The following COG8 variants were observed in gnomAD, a reference collection of about 807,000 sequenced individuals.
COG8 encodes component of oligomeric golgi complex 8, also known as conserved oligomeric Golgi complex subunit 8.
In COG8, 45 loss-of-function variants were observed where a neutral mutation model predicts 46.5. That is an observed-to-expected ratio of 0.97 (90% confidence interval 0.76 to 1.24). COG8 has a LOEUF of 1.24. COG8 is among the 50% of genes most tolerant of loss of function. The pLI is 0.00. For missense variants in COG8, 793 were observed against 820.8 expected (o/e 0.97, Z 0.41); for synonymous variants, 407 against 347.8 (o/e 1.17, Z -1.90).
rs1235065436 is a variant in COG8, at chr16:69,330,449, C to T, written c.*26+364G>A. On this transcript the variant is annotated intron_variant, in intron 5 of 5. Transcript: ENST00000306875. ...CCAATAGGAGCGCCGCAGCGCCGGG[C>T]CCTCGACGCCGTCCGGGGCGGCCGT... 1.4e-5 allele frequency: 20 copies of T among 1,472,554 alleles called. No homozygotes were observed. Among genetic ancestry groups the T allele is most frequent in the Non-Finnish European group, 1.5e-5 (17 of 1,120,334 alleles). 91.2% of individuals were successfully genotyped at this position (1,472,554 alleles called of 1,614,324 possible). A position where few individuals can be genotyped will look rare whatever the true frequency, so the allele number is the denominator to read the frequency against.
At chr16:69,329,778 C>G (rs928865364) in intron 5 of COG8, among the ~76,000 whole-genome samples, 2 of 152,236 alleles carry the variant, frequency 1.3e-5, no homozygotes, top group Non-Finnish European at 2.9e-5. Context: ...TGTCAGGTAA[C>G]AGCGGAACTA....
intron 1 of COG8, 138 bp from the exon 2 acceptor site, chr16:69,336,850 A>T (rs2012236151): frequency 1.3e-6 from 1 of 784,190 alleles, no homozygotes; most frequent in Admixed American, 2.2e-5. Context: ...TAAGGTAAGT[A>T]TTATTACAAT....
rs750568204 is a variant in COG8 at position 69,334,899 on chromosome 16, CAG to C, written c.1033_1034del (p.Leu345AlafsTer17). On this transcript the variant is annotated frameshift_variant, in exon 3 of 6. Transcript: ENST00000306875. LOFTEE classifies it high-confidence loss of function. ...YRGIGGHLDS[L>X]LGQCMYFGLS... ...GCCCAAAGTACATGCACTGGCCCAG[CAG>C]AGAGTCCAGGTGGCCGCCTATGCCC... is the stretch of plus-strand genomic sequence containing the variant. 9.9e-6 allele frequency: 16 copies of C among 1,614,076 alleles called. No homozygotes were observed. The highest frequency in any genetic ancestry group is 9.3e-5 in the African/African-American group (7 of 74,942).
rs1232221132 is a variant in COG8 at position 69,339,274 on chromosome 16, G to C, written c.279C>G (p.Gly93=). 1.9e-6 allele frequency: 3 copies of C among 1,612,416 alleles called. No individual in the cohort carries two copies. Among genetic ancestry groups the C allele is most frequent in the African/African-American group, 1.3e-5 (1 of 74,924 alleles). ...AFANYKTFIR[G]AECTERIHRL... is the part of the protein sequence containing the mutation. Reference sequence around the variant, plus strand: ...GGTGGATGCGCTCGGTGCACTCGGCGCCGCGGATGAAGGTCTTGTAGTTAG... The same window carrying C: ...GGTGGATGCGCTCGGTGCACTCGGCCCCGCGGATGAAGGTCTTGTAGTTAG... The change falls in exon 1 of 6, where the codon GGC becomes GGG. Residue 93 remains glycine (G), a synonymous_variant. Transcript: ENST00000306875.
At position 69,330,880 on chromosome 16, in the gene COG8, G is replaced by A. The variant is rs1156701509; in HGVS notation, c.1798C>T (p.Arg600Ter). ...PAGPACPEGGRAETQAEPPSV... is the reference protein window; with the variant it reads ...PAGPACPEGG ...GGCGGTTCGGCCTGCGTCTCCGCTC[G>A]CCCTCCCTCCGGGCAGGCTGGGCCC... is the stretch of plus-strand genomic sequence containing the variant. The change falls in exon 5 of 6, where the codon CGA becomes TGA. Residue 600 changes from arginine to a stop codon, truncating the protein, a stop_gained. Transcript: ENST00000306875. LOFTEE classifies it high-confidence loss of function. 2 of 1,546,826 alleles carry A rather than the reference G, an allele frequency of 1.3e-6. No individual in the cohort carries two copies. Among genetic ancestry groups the A allele is most frequent in the South Asian group, 1.2e-5 (1 of 84,056 alleles).
At position 69,327,693 on chromosome 16, in the gene COG8, TAAAAATGAGGTG is replaced by T. The variant is rs1965642220; in HGVS notation, c.*1501_*1512del. The T allele has an allele frequency of 2.0e-5, 3 of 152,114 alleles. No homozygotes were observed. 9.4% of individuals were successfully genotyped at this position (152,114 alleles called of 1,614,324 possible). ...AATACCTACTTTACAAAACTCAGCATAAAAATGAGGTGAAACAGTTTAACTAAAACTGGAGTT... is the reference window on the plus strand; with the variant it reads ...AATACCTACTTTACAAAACTCAGCATAAACAGTTTAACTAAAACTGGAGTT... On this transcript the variant is annotated 3_prime_UTR_variant, in exon 6 of 6. Coordinates refer to ENST00000306875, the MANE Select transcript of COG8 (RefSeq NM_032382.5).
Position 69,335,101 on chromosome 16 carries a change from G to A in COG8, c.833C>T (p.Ser278Phe), listed in dbSNP as rs776137291. ...GATGATATCAAAGAGATGGACACGG[G>A]AGGCCTCGATGGTTTTTGTAATATG... ...YFHITKTIEA[S>F]RVHLFDIITQ... Residue 278 changes from serine (S) to phenylalanine (F), a missense_variant, in exon 3 of 6, where the codon TCC becomes TTC. Ser to Phe is a radical substitution (Grantham distance 155). Transcript: ENST00000306875. 1 of 1,614,218 alleles carries A rather than the reference G, an allele frequency of 6.2e-7. No homozygotes were observed. Among genetic ancestry groups the A allele is most frequent in the Non-Finnish European group, 8.5e-7 (1 of 1,180,052 alleles).
chr16:69,329,630 GA>G (rs1965720681), intron 5 of COG8, among the ~76,000 whole-genome samples: 1 of 152,248 alleles, frequency 6.6e-6, no homozygotes, highest in Non-Finnish European at 1.5e-5. Context: ...TACCACGGGG[GA>G]ATGGCCTAGC....
intron 3 of COG8, among the ~76,000 whole-genome samples, chr16:69,333,949 TAAAAG>T (rs2012043616): frequency 6.6e-6 from 1 of 152,194 alleles, no homozygotes; most frequent in Non-Finnish European, 1.5e-5. Context: ...AGGAGGTACC[TAAAAG>T]AAGAGACTCA....
At position 69,330,616 on chromosome 16, in the gene COG8, C is replaced by A. The variant is rs900659129; in HGVS notation, c.*26+197G>T. 13 of 1,409,280 alleles carry A rather than the reference C, an allele frequency of 9.2e-6. No individual in the cohort carries two copies. In the East Asian group the frequency reaches 3.7e-4, roughly 40 times the overall value. 87.3% of individuals were successfully genotyped at this position (1,409,280 alleles called of 1,614,324 possible). A position where few individuals can be genotyped will look rare whatever the true frequency, so the allele number is the denominator to read the frequency against. ...CCCGGCCCGCCCCTTCCGGCCGCAGCGCGGGGCACGCCGGGAAGCGCCGTC... is the reference window on the plus strand; with the variant it reads ...CCCGGCCCGCCCCTTCCGGCCGCAGAGCGGGGCACGCCGGGAAGCGCCGTC... On this transcript the variant is annotated intron_variant, in intron 5 of 5. Transcript: ENST00000306875.
chr16:69,335,242 T>C lies in COG8; in HGVS notation c.692A>G (p.Tyr231Cys). The change falls in exon 3 of 6, where the codon TAC becomes TGC. Residue 231 changes from tyrosine to cysteine, a missense_variant. Tyr to Cys is a radical substitution (Grantham distance 194). Transcript: ENST00000306875. ...AGTGAAGACGTCCATGCGCCGCAGG[T>C]AGCCAATGACACGGAGGCAGGCAGG... is the stretch of plus-strand genomic sequence containing the variant. ...QLPACLRVIG[Y>C]LRRMDVFTEA... 6.2e-7 allele frequency: 1 copy of C among 1,614,006 alleles called. No individual in the cohort carries two copies. The highest frequency in any genetic ancestry group is 8.5e-7 in the Non-Finnish European group (1 of 1,179,984).
rs910161146 is a variant in COG8 at position 69,339,437 on chromosome 16, T to C, written c.116A>G (p.Gln39Arg). ...SLFRDRFPEAQWRERPDVGRY... is the reference protein window; with the variant it reads ...SLFRDRFPEARWRERPDVGRY... ...GCCCACATCGGGCCGCTCGCGCCAC[T>C]GGGCCTCGGGGAAGCGGTCCCGGAA... The change falls in exon 1 of 6, where the codon CAG becomes CGG. Residue 39 changes from glutamine (Q) to arginine (R), a missense_variant. Physicochemically the swap from Gln to Arg is conservative, Grantham distance 43 (BLOSUM62 1). Transcript: ENST00000306875. 1.3e-6 allele frequency: 2 copies of C among 1,590,624 alleles called. No individual in the cohort carries two copies. The highest frequency in any genetic ancestry group is 1.7e-6 in the Non-Finnish European group (2 of 1,173,902).
chr16:69,329,288 A>G, intron 5 of COG8, 109 bp from the exon 6 acceptor site: 4 of 1,177,100 alleles, frequency 3.4e-6, no homozygotes, highest in Non-Finnish European at 4.5e-6. Context: ...AAGAGGCAAC[A>G]GCAGATGGCA....
In COG8 at chr16:69,329,042, A is replaced by C; in HGVS notation, c.*164T>G. On this transcript the variant is annotated 3_prime_UTR_variant, in exon 6 of 6. Coordinates refer to ENST00000306875, the MANE Select transcript of COG8 (RefSeq NM_032382.5). ...AAGCTTTAGTCATTCACCTTCATCC[A>C]ATAGACGTTTGTGAACGTCCTGCTG... 1 of 1,610,672 alleles carries C rather than the reference A, an allele frequency of 6.2e-7. No homozygotes were observed. The highest frequency in any genetic ancestry group is 8.5e-7 in the Non-Finnish European group (1 of 1,179,040).
At chr16:69,338,896 A>T (rs1222504033) in intron 1 of COG8, among the ~76,000 whole-genome samples, 8 of 152,212 alleles carry the variant, frequency 5.3e-5, no homozygotes, top group Non-Finnish European at 1.2e-4. Flanking sequence ...AGGCTGAGGC[A>T]GGAGAATCGC....
Position 69,339,382 on chromosome 16 carries a change from C to T in COG8, c.171G>A (p.Gly57=), listed in dbSNP as rs1488183034. The change falls in exon 1 of 6, where the codon GGG becomes GGA. Residue 57 remains glycine (G), a synonymous_variant. Coordinates refer to ENST00000306875, the MANE Select transcript of COG8 (RefSeq NM_032382.5). ...GRYLRELSGS[G]LERLRREPER... ...CGGGCTCGCGCCGCAGCCGCTCCAGCCCCGAGCCGCTCAACTCCCGGAGGT... is the reference window on the plus strand; with the variant it reads ...CGGGCTCGCGCCGCAGCCGCTCCAGTCCCGAGCCGCTCAACTCCCGGAGGT... The T allele has an allele frequency of 3.2e-6, 5 of 1,585,576 alleles. No homozygotes were observed. In the East Asian group the frequency reaches 9.1e-5, roughly 29 times the overall value.
chr16:69,334,585 C>T lies in COG8; in HGVS notation c.1349G>A (p.Arg450His), dbSNP rs766352349. Reference protein sequence around the residue: ...NNILVAFNDLRLCCPVALAQD... With the variant: ...NNILVAFNDLHLCCPVALAQD... ...CGCCAGGGCCACAGGGCAGCAGAGGCGCAGATCATTGAAGGCAACCAGAAT... is the reference window on the plus strand; with the variant it reads ...CGCCAGGGCCACAGGGCAGCAGAGGTGCAGATCATTGAAGGCAACCAGAAT... The change falls in exon 3 of 6, where the codon CGC (arginine) becomes CAC (histidine). Residue 450 changes from arginine (R) to histidine (H), a missense_variant. Transcript: ENST00000306875. The T allele has an allele frequency of 6.8e-6, 11 of 1,614,168 alleles. No individual in the cohort carries two copies. Among genetic ancestry groups the T allele is most frequent in the Admixed American group, 1.7e-5 (1 of 60,026 alleles).
intron 3 of COG8, among the ~76,000 whole-genome samples, chr16:69,334,032 C>T (rs926437067): frequency 2.0e-5 from 3 of 152,152 alleles, no homozygotes; most frequent in African/African-American, 7.2e-5. Context: ...ATGGAGTGGA[C>T]AGCCTCTAGG....
At position 69,331,304 on chromosome 16, in the gene COG8, T is replaced by C. The variant is rs149657356; in HGVS notation, c.1583-209A>G. Among the ~76,000 whole-genome samples, 52 of 150,946 alleles carry C rather than the reference T, an allele frequency of 3.4e-4. No individual in the cohort carries two copies. In the East Asian group the frequency reaches 9.6e-3, roughly 28 times the overall value. ...CCCATCTCTCTTAAAAATACAACATTAGCCGGGCTTGGTGGCGCAGGCCTG... is the reference window on the plus strand; with the variant it reads ...CCCATCTCTCTTAAAAATACAACATCAGCCGGGCTTGGTGGCGCAGGCCTG... On this transcript the variant is annotated intron_variant, in intron 4 of 5. Coordinates refer to ENST00000306875, the MANE Select transcript of COG8 (RefSeq NM_032382.5).
Sources: gnomAD v4.1 joint callset for allele counts (sites outside exome capture counted in the v4.1 genomes callset) on GRCh38, gnomAD v4.1.1 for gene constraint, MANE v1.5 for transcripts, NCBI Gene and HGNC (gene_info 2026-07-23, HGNC 2026-07-21) for gene names.